The following JADE1 variants were observed in gnomAD, a reference collection of about 807,000 sequenced individuals.
The protein encoded by JADE1 is protein Jade-1.
In JADE1, 14 loss-of-function variants were observed where a neutral mutation model predicts 81.8. The observed-to-expected ratio is 0.17, with a 90% CI of 0.11 to 0.27. The LOEUF is 0.27. Ranked by LOEUF, JADE1 falls within the 10% of genes least tolerant of loss-of-function variation. The pLI, the probability that JADE1 is intolerant of heterozygous loss-of-function variation, is 1.00. For synonymous variants in JADE1, 353 were observed against 391.9 expected (o/e 0.90, Z 1.17); for missense variants, 690 against 1,047.9 (o/e 0.66, Z 4.71).
intron 1 of JADE1, among the ~76,000 whole-genome samples, chr4:128,812,921 C>G (rs575786299): frequency 6.6e-6 from 1 of 152,324 alleles, no homozygotes; most frequent in South Asian, 2.1e-4. Context: ...AGGAGAGGAT[C>G]TGAGGTTTCC....
chr4:128,809,919 C>G (rs1366993581), intron 1 of JADE1, 42 bp downstream of exon 1: 1 of 146,554 alleles, frequency 6.8e-6, no homozygotes, highest in East Asian at 1.9e-4. Flanking sequence ...GTGGGCGCGC[C>G]GCGCGTGTGT....
chr4:128,826,562 GT>G (rs1171982853), intron 1 of JADE1, among the ~76,000 whole-genome samples: 1 of 150,884 alleles, frequency 6.6e-6, no homozygotes, highest in African/African-American at 2.4e-5. Flanking sequence ...TAGAGACGGG[GT>G]TTTCCCATGT....
chr4:128,860,019 C>T (rs1186778448), intron 8 of JADE1, among the ~76,000 whole-genome samples: 1 of 152,180 alleles, frequency 6.6e-6, no homozygotes, highest in African/African-American at 2.4e-5. Flanking sequence ...TTTACAAAGT[C>T]CTGTATAAAT....
intron 1 of JADE1, among the ~76,000 whole-genome samples, chr4:128,822,541 G>A (rs535358320): frequency 1.7e-3 from 259 of 149,062 alleles, no homozygotes; most frequent in African/African-American, 6.1e-3. Context: ...GAGAAACCCC[G>A]TCTCTAGTGA....
At position 128,846,689 on chromosome 4, in the gene JADE1, C is replaced by G. The variant is rs111756614; in HGVS notation, c.296+157C>G. 6.6e-6 allele frequency among the ~76,000 whole-genome samples: 1 copy of G among 152,288 alleles called. No individual in the cohort carries two copies. The highest frequency in any genetic ancestry group is 2.4e-5 in the African/African-American group (1 of 41,556). On this transcript the variant is annotated intron_variant, in intron 4 of 10. Coordinates refer to ENST00000226319, the MANE Select transcript of JADE1 (RefSeq NM_199320.4). The surrounding 1 kb of genome is among the most constrained non-coding windows in gnomAD (Gnocchi z 4.0). ...TCAAGTGGAAATAGAAATTCAGGAGCAACATACTTCAGGCATACAGGGTAG... is the reference window on the plus strand; with the variant it reads ...TCAAGTGGAAATAGAAATTCAGGAGGAACATACTTCAGGCATACAGGGTAG...
intron 1 of JADE1, among the ~76,000 whole-genome samples, chr4:128,813,430 TC>T: frequency 6.7e-6 from 1 of 148,920 alleles, no homozygotes; most frequent in Non-Finnish European, 1.5e-5. Context: ...TTTTTTTTGT[TC>T]CTTGAGACAG....
chr4:128,853,690 A>T (rs1730558526), intron 6 of JADE1, among the ~76,000 whole-genome samples: 1 of 152,226 alleles, frequency 6.6e-6, no homozygotes. Context: ...TGATGCTGAG[A>T]TTTAAAGCAA....
intron 6 of JADE1, 93 bp downstream of exon 6, chr4:128,852,361 G>A: frequency 2.7e-5 from 26 of 967,372 alleles, no homozygotes; most frequent in South Asian, 1.0e-4. Flanking sequence ...TTCTTCCTCC[G>A]AATGGGGTCT....
intron 1 of JADE1, among the ~76,000 whole-genome samples, chr4:128,816,012 C>CTT (rs11453084): frequency 5.4e-4 from 78 of 144,696 alleles, no homozygotes; most frequent in Admixed American, 6.2e-4. Context: ...TTCAACAATA[C>CTT]TTTTTTTTTT....
intron 1 of JADE1, among the ~76,000 whole-genome samples, chr4:128,825,377 A>G (rs938119645): frequency 3.9e-5 from 6 of 152,140 alleles, no homozygotes; most frequent in African/African-American, 1.4e-4. Flanking sequence ...CTCCTTGTCC[A>G]TGACGTTCTC....
In JADE1 at chr4:128,831,768, G is replaced by A; in HGVS notation, c.10G>A (p.Gly4Ser). 1 of 1,614,140 alleles carries A rather than the reference G, an allele frequency of 6.2e-7. No individual in the cohort carries two copies. The highest frequency in any genetic ancestry group is 8.5e-7 in the Non-Finnish European group (1 of 1,180,022). Residue 4 changes from glycine (G) to serine (S), a missense_variant, in exon 2 of 11, where the codon GGT becomes AGT. By Grantham distance (56) the Gly-to-Ser change is moderately conservative. Around this residue, in one of 8 missense-constraint regions of JADE1, gnomAD observed 59 missense variants for 52.8 expected, o/e 1.12. Transcript: ENST00000226319. Reference sequence around the variant, plus strand: ...GTTTCCCGGGGAGATCATGAAACGAGGTCGCCTTCCCAGCAGCAGTGAGGA... The same window carrying A: ...GTTTCCCGGGGAGATCATGAAACGAAGTCGCCTTCCCAGCAGCAGTGAGGA... The part of the protein sequence containing the change: MKR[G>S]RLPSSSEDSD...
rs1405155623 is a variant in JADE1 at position 128,873,857 on chromosome 4, TCAA to T, written c.*1602_*1604del. The T allele has an allele frequency of 2.0e-5, 3 of 152,770 alleles. No individual in the cohort carries two copies. Among genetic ancestry groups the T allele is most frequent in the African/African-American group, 4.8e-5 (2 of 41,594 alleles). 9.5% of individuals were successfully genotyped at this position (152,770 alleles called of 1,614,324 possible). A position where few individuals can be genotyped will look rare whatever the true frequency, so the allele number is the denominator to read the frequency against. ...AACTTTCAAGTCTTCCAGATGATTG[TCAA>T]CAACAAAAAAGGCTTATTGAATCCC... is the stretch of plus-strand genomic sequence containing the variant. On this transcript the variant is annotated 3_prime_UTR_variant, in exon 11 of 11. Coordinates refer to ENST00000226319, the MANE Select transcript of JADE1 (RefSeq NM_199320.4).
intron 2 of JADE1, among the ~76,000 whole-genome samples, chr4:128,842,716 G>T (rs569366733): frequency 6.6e-6 from 1 of 152,322 alleles, no homozygotes; most frequent in Admixed American, 6.5e-5. Flanking sequence ...TGTTGGGTGT[G>T]GTCCTTGATA....
In JADE1 at chr4:128,872,705, G is replaced by A; in HGVS notation, c.*443G>A. On this transcript the variant is annotated 3_prime_UTR_variant, in exon 11 of 11. Coordinates refer to ENST00000226319, the MANE Select transcript of JADE1 (RefSeq NM_199320.4). ...CATAAAGTTTATTTTCTAGGACTGT[G>A]GTAGATCTTGAAATCATATTTATAT... 3.4e-6 allele frequency: 1 copy of A among 295,852 alleles called. No homozygotes were observed. Among genetic ancestry groups the A allele is most frequent in the South Asian group, 3.0e-5 (1 of 33,228 alleles). The allele number at this position is 295,852 out of a possible 1,614,324, so 18.3% of individuals were successfully genotyped here. A position where few individuals can be genotyped will look rare whatever the true frequency, so the allele number is the denominator to read the frequency against.
intron 2 of JADE1, among the ~76,000 whole-genome samples, chr4:128,834,615 A>G (rs1560742029): frequency 1.3e-5 from 2 of 148,766 alleles, no homozygotes; most frequent in South Asian, 2.1e-4. Flanking sequence ...GCTCACTGCA[A>G]GCTCTGCCTC....
intron 4 of JADE1, among the ~76,000 whole-genome samples, chr4:128,847,453 CAGGTTT>C: frequency 6.6e-6 from 1 of 152,176 alleles, no homozygotes; most frequent in Non-Finnish European, 1.5e-5. Flanking sequence ...CTGTCTTACT[CAGGTTT>C]AGGTGACCAG....
chr4:128,834,502 C>T (rs1440944111), intron 2 of JADE1, among the ~76,000 whole-genome samples: 1 of 150,834 alleles, frequency 6.6e-6, no homozygotes, highest in African/African-American at 2.4e-5. Context: ...CAATTCAGCC[C>T]ATAAAAGCCC....
chr4:128,811,907 C>T (rs1300218772), intron 1 of JADE1: 1 of 151,854 alleles, frequency 6.6e-6, no homozygotes, highest in East Asian at 2.0e-4. Flanking sequence ...CCGCTCGGAG[C>T]TCCTCGCCGC....
chr4:128,868,861 G>A (rs999040539), intron 10 of JADE1, among the ~76,000 whole-genome samples: 1 of 152,072 alleles, frequency 6.6e-6, no homozygotes, highest in African/African-American at 2.4e-5. Context: ...AAGATAGTCA[G>A]CCTCTCTCCT....
Sources: gnomAD v4.1 joint callset for allele counts (sites outside exome capture counted in the v4.1 genomes callset) on GRCh38, gnomAD v4.1.1 for gene constraint, gnomAD v4.1.1 regional missense constraint, Gnocchi (gnomAD v3.1) non-coding constraint, MANE v1.5 for transcripts, NCBI Gene and HGNC (gene_info 2026-07-23, HGNC 2026-07-21) for gene names.